ASIC2: variants seen among roughly 807,000 people sequenced by gnomAD.
The protein encoded by ASIC2 is acid-sensing ion channel 2.
Under a neutral mutation model 57.3 loss-of-function variants are expected in ASIC2, and 25 were observed. That is an observed-to-expected ratio of 0.44 (90% CI 0.32 to 0.61). The LOEUF (loss-of-function observed/expected upper bound fraction) is 0.61, where lower values mean the gene tolerates loss of function less well. ASIC2 is among the 20% of genes least tolerant of loss of function. ASIC2 has a pLI of 0.06. For missense variants in ASIC2, 641 were observed against 738.1 expected, an observed-to-expected ratio of 0.87 and a Z score of 1.52; for synonymous variants, 319 against 307.5, an observed-to-expected ratio of 1.04 and a Z score of -0.39.
intron 1 of ASIC2, among the ~76,000 whole-genome samples, chr17:33,502,166 A>G (rs920671450): frequency 6.6e-6 from 1 of 152,142 alleles, no homozygotes; most frequent in African/African-American, 2.4e-5. Context: ...TTCAAGGGGC[A>G]AGCAGTTGAC....
intron 1 of ASIC2, among the ~76,000 whole-genome samples, chr17:33,557,576 GGAGTGTTAGAGTTGAGAAAGAAGAT>G (rs1384116234): frequency 6.6e-6 from 1 of 152,170 alleles, no homozygotes; most frequent in Non-Finnish European, 1.5e-5. Context: ...GGTGGAAGGA[GGAGTGTTAGAGTTGAGAAAGAAGAT>G]GAGCCTTAGA....
intron 1 of ASIC2, among the ~76,000 whole-genome samples, chr17:33,506,513 A>G (rs1229886956): frequency 5.9e-5 from 9 of 152,162 alleles, no homozygotes; most frequent in Non-Finnish European, 1.3e-4. Flanking sequence ...CTTGATCTCT[A>G]AGCCTGCCCT....
At chr17:34,144,858 T>C (rs572956418) in intron 1 of ASIC2, among the ~76,000 whole-genome samples, 1 of 152,336 alleles carries the variant, frequency 6.6e-6, no homozygotes, top group South Asian at 2.1e-4. Flanking sequence ...CTGTTATCAG[T>C]GCTCCTGGGC....
chr17:33,834,609 A>G (rs1913216646), intron 1 of ASIC2: 1 of 152,238 alleles, frequency 6.6e-6, no homozygotes, highest in South Asian at 2.1e-4. Context: ...AACATGGAAG[A>G]AGGGAAAAAG....
intron 1 of ASIC2, among the ~76,000 whole-genome samples, chr17:33,352,140 C>T (rs1908209400): frequency 6.6e-6 from 1 of 152,116 alleles, no homozygotes; most frequent in Non-Finnish European, 1.5e-5. Flanking sequence ...GAGCATGGTT[C>T]CTCAGTCTCT....
chr17:33,766,025 C>T (rs140334051), intron 1 of ASIC2, among the ~76,000 whole-genome samples: 1 of 152,270 alleles, frequency 6.6e-6, no homozygotes, highest in Non-Finnish European at 1.5e-5. Context: ...CTTTGTCTTG[C>T]CATTGCAGGT....
At chr17:34,033,811 C>A (rs894222987) in intron 1 of ASIC2, among the ~76,000 whole-genome samples, 5 of 151,758 alleles carry the variant, frequency 3.3e-5, no homozygotes, top group African/African-American at 4.8e-5. Context: ...AAGACTAAAC[C>A]AGGAAGTTGA....
chr17:33,732,592 G>A (rs185729015), intron 1 of ASIC2, among the ~76,000 whole-genome samples: 5 of 151,266 alleles, frequency 3.3e-5, no homozygotes, highest in East Asian at 3.9e-4. Flanking sequence ...TCCGCCCCCG[G>A]ATTCATGCCA....
chr17:34,103,223 G>A (rs949634518), intron 1 of ASIC2, among the ~76,000 whole-genome samples: 5 of 152,088 alleles, frequency 3.3e-5, no homozygotes, highest in African/African-American at 7.2e-5. Context: ...ATGCCTCAAC[G>A]TAGCCTCAAT....
chr17:33,090,913 G>A (rs2092155099), intron 2 of ASIC2, among the ~76,000 whole-genome samples: 1 of 152,196 alleles, frequency 6.6e-6, no homozygotes, highest in South Asian at 2.1e-4. Context: ...TTTTGGATAT[G>A]GTTCATGGAG....
At chr17:33,245,468 A>T (rs964059635) in intron 1 of ASIC2, among the ~76,000 whole-genome samples, 1 of 152,178 alleles carries the variant, frequency 6.6e-6, no homozygotes, top group Non-Finnish European at 1.5e-5. Context: ...GCTGTCTATG[A>T]GGGCTGAGCA....
chr17:33,593,819 C>A (rs1030748141), intron 1 of ASIC2, among the ~76,000 whole-genome samples: 3 of 152,214 alleles, frequency 2.0e-5, no homozygotes, highest in African/African-American at 7.2e-5. Context: ...ACCTCCCTGA[C>A]TGCTACACTT....
chr17:33,307,559 C>T (rs1486663377), intron 1 of ASIC2, among the ~76,000 whole-genome samples: 1 of 152,228 alleles, frequency 6.6e-6, no homozygotes, highest in African/African-American at 2.4e-5. Context: ...ATCCACCCGC[C>T]TCAGCCTCCC....
intron 1 of ASIC2, among the ~76,000 whole-genome samples, chr17:33,126,255 C>T (rs1176488297): frequency 6.6e-6 from 1 of 152,094 alleles, no homozygotes; most frequent in East Asian, 1.9e-4. Context: ...AGTGTGAAGC[C>T]CAGTTCTATG....
At chr17:33,448,718 A>C (rs944218532) in intron 1 of ASIC2, among the ~76,000 whole-genome samples, 1 of 152,232 alleles carries the variant, frequency 6.6e-6, no homozygotes, top group Non-Finnish European at 1.5e-5. Context: ...CAGAACTGTG[A>C]AATACTATAT....
chr17:34,128,141 A>T (rs1911842910), intron 1 of ASIC2, among the ~76,000 whole-genome samples: 1 of 152,210 alleles, frequency 6.6e-6, no homozygotes, highest in African/African-American at 2.4e-5. Context: ...GATGAGAAAA[A>T]GGGAATCAAA....
At chr17:33,580,352 T>C (rs943476183) in intron 1 of ASIC2, 1 of 152,166 alleles carries the variant, frequency 6.6e-6, no homozygotes, top group Non-Finnish European at 1.5e-5. Flanking sequence ...TTGACCATTG[T>C]GGTGGGAGAG....
At chr17:33,840,870 CTTCTT>C (rs1913416682) in intron 1 of ASIC2, among the ~76,000 whole-genome samples, 2 of 148,512 alleles carry the variant, frequency 1.3e-5, no homozygotes, top group Admixed American at 6.7e-5. Context: ...AATAGAATGG[CTTCTT>C]TTGAGGGCAC....
intron 1 of ASIC2, among the ~76,000 whole-genome samples, chr17:33,863,662 G>T (rs1412444503): frequency 6.6e-6 from 1 of 152,176 alleles, no homozygotes; most frequent in African/African-American, 2.4e-5. Flanking sequence ...TTATCCTATA[G>T]TCAGGAACTT....
Sources: allele counts gnomAD v4.1 joint callset (sites outside exome capture counted in the v4.1 genomes callset), GRCh38; gene constraint gnomAD v4.1.1; transcripts MANE v1.5; gene names NCBI Gene and HGNC (gene_info 2026-07-23, HGNC 2026-07-21).